MAP1B: variants seen among roughly 807,000 people sequenced by gnomAD.
MAP1B encodes microtubule associated protein 1B, also known as microtubule-associated protein 1B.
Under a neutral mutation model 176.1 loss-of-function variants are expected in MAP1B, and 12 were observed. The ratio of observed to expected loss-of-function variants is 0.07; its 90% CI spans 0.04 to 0.11. The LOEUF (loss-of-function observed/expected upper bound fraction) is 0.11. MAP1B is among the 10% of genes least tolerant of loss of function. The pLI, the probability that MAP1B is intolerant of heterozygous loss-of-function variation, is 1.00. For missense variants in MAP1B, 2,523 were observed against 2,990.5 expected (o/e 0.84, Z 3.65); for synonymous variants, 1,044 against 1,135.0 (o/e 0.92, Z 1.61).
At chr5:72,129,341 A>C (rs1745685190) in intron 2 of MAP1B, among the ~76,000 whole-genome samples, 1 of 152,214 alleles carries the variant, frequency 6.6e-6, no homozygotes, top group East Asian at 1.9e-4. Context: ...AGATCACTTG[A>C]GATCAGGAGT....
chr5:72,121,470 A>T (rs1745529152), intron 2 of MAP1B, among the ~76,000 whole-genome samples: 1 of 152,248 alleles, frequency 6.6e-6, no homozygotes, highest in African/African-American at 2.4e-5. Context: ...TTAAGAACCG[A>T]TGCCTTTTTC....
At chr5:72,163,934 T>TC (rs1292972807) in intron 2 of MAP1B, among the ~76,000 whole-genome samples, 15 of 126,116 alleles carry the variant, frequency 1.2e-4, no homozygotes, top group African/African-American at 4.4e-4. Context: ...TTTTTTCTTT[T>TC]TTTTTTTTTT....
At chr5:72,129,262 C>G (rs962601362) in intron 2 of MAP1B, among the ~76,000 whole-genome samples, 1 of 152,050 alleles carries the variant, frequency 6.6e-6, no homozygotes, top group African/African-American at 2.4e-5. Context: ...ATTAGAAGAT[C>G]CAAGTAAATA....
In MAP1B at chr5:72,162,844, C is replaced by A. The variant is rs938080904; in HGVS notation, c.287-20899C>A. Reference sequence around the variant, plus strand: ...GTGTTGCTCAGGAGTGATTATGCCACCTGGCTTGAAGCCTTCCAGTGCACT... The same window carrying A: ...GTGTTGCTCAGGAGTGATTATGCCAACTGGCTTGAAGCCTTCCAGTGCACT... On this transcript the variant is annotated intron_variant, in intron 2 of 6. Transcript: ENST00000296755. Among the ~76,000 whole-genome samples, 14 of 152,288 alleles carry A rather than the reference C, an allele frequency of 9.2e-5. No individual in the cohort carries two copies. In the South Asian group the frequency reaches 2.9e-3, roughly 32 times the overall value.
In MAP1B at chr5:72,115,713, A is replaced by G; in HGVS notation, c.200A>G (p.Asp67Gly). The G allele has an allele frequency of 6.2e-7, 1 of 1,610,814 alleles. No homozygotes were observed. Among genetic ancestry groups the G allele is most frequent in the Non-Finnish European group, 8.5e-7 (1 of 1,177,012 alleles). ...GNIELGIRSW[D>G]TNLIECNLDQ... ...CCCTCCCTAGGAATCCGATCATGGG[A>G]CACAAACCTGATTGAATGCAACTTG... Residue 67 changes from aspartate to glycine, a missense_variant, in exon 2 of 7, where the codon GAC (aspartate) becomes GGC (glycine). By Grantham distance (94) the Asp-to-Gly change is moderately conservative. This residue lies in a region of MAP1B where 307 missense variants were observed against 438.4 expected (regional missense o/e 0.70). Coordinates refer to ENST00000296755, the MANE Select transcript of MAP1B (RefSeq NM_005909.5).
In MAP1B at chr5:72,204,950, T is replaced by C. The variant is rs1747413767; in HGVS notation, c.7252-134T>C. 1.7e-6 allele frequency: 1 copy of C among 595,642 alleles called. No homozygotes were observed. Among genetic ancestry groups the C allele is most frequent in the Admixed American group, 3.6e-5 (1 of 27,978 alleles). 36.9% of individuals were successfully genotyped at this position (595,642 alleles called of 1,614,324 possible). On this transcript the variant is annotated intron_variant, in intron 6 of 6. Coordinates refer to ENST00000296755, the MANE Select transcript of MAP1B (RefSeq NM_005909.5). The surrounding 1 kb of genome is among the most constrained non-coding windows in gnomAD (Gnocchi z 4.4). Reference sequence around the variant, plus strand: ...ATATACATTGAAAAATCCTTTGCATTTCTTGAGGAAAATAGAAAAGTTTTC... The same window carrying C: ...ATATACATTGAAAAATCCTTTGCATCTCTTGAGGAAAATAGAAAAGTTTTC...
In MAP1B at chr5:72,161,854, G is replaced by C. The variant is rs1258600481; in HGVS notation, c.287-21889G>C. Among the ~76,000 whole-genome samples the C allele has an allele frequency of 4.0e-5, 6 of 151,558 alleles. No individual in the cohort carries two copies. The East Asian group carries it at 1.2e-3, about 29-fold the overall frequency. On this transcript the variant is annotated intron_variant, in intron 2 of 6. Coordinates refer to ENST00000296755, the MANE Select transcript of MAP1B (RefSeq NM_005909.5). ...CGTCTGTAATCCCAGCTATTCTGGA[G>C]GCTGAGGCAGGAGAATTGCTTGAAC...
At chr5:72,178,107 A>G (rs1746687518) in intron 2 of MAP1B, among the ~76,000 whole-genome samples, 1 of 152,166 alleles carries the variant, frequency 6.6e-6, no homozygotes, top group South Asian at 2.1e-4. Flanking sequence ...GGTTCAAGTG[A>G]TCCTCGTGCC....
chr5:72,121,187 G>A (rs1437554216), intron 2 of MAP1B, among the ~76,000 whole-genome samples: 1 of 152,176 alleles, frequency 6.6e-6, no homozygotes, highest in African/African-American at 2.4e-5. Context: ...CACAGTTTGA[G>A]GGCTGGCCTG....
intron 2 of MAP1B, among the ~76,000 whole-genome samples, chr5:72,182,700 T>C (rs1260753199): frequency 1.3e-5 from 2 of 152,228 alleles, no homozygotes; most frequent in South Asian, 4.1e-4. Flanking sequence ...TCTCCTCTGG[T>C]GTCTGCCTCT....
At position 72,107,477 on chromosome 5, in the gene MAP1B, A is replaced by C; in HGVS notation, c.-55A>C. 7.0e-7 allele frequency: 1 copy of C among 1,436,208 alleles called. No homozygotes were observed. The allele number at this position is 1,436,208 out of a possible 1,614,324, so 89.0% of individuals were successfully genotyped here. ...CGGAGATAATCCTTTCTCCTGCCGC[A>C]GTGGAGAGGAGCGGCCGGAGCGAGA... is the stretch of plus-strand genomic sequence containing the variant. On this transcript the variant is annotated 5_prime_UTR_variant, in exon 1 of 7. Transcript: ENST00000296755.
At chr5:72,181,753 G>A (rs546154917) in intron 2 of MAP1B, among the ~76,000 whole-genome samples, 25 of 140,318 alleles carry the variant, frequency 1.8e-4, no homozygotes, top group South Asian at 4.4e-4. Context: ...ACGGAGTCTC[G>A]CACTGTTGTC....
chr5:72,199,890 G>T lies in MAP1B; in HGVS notation c.6535G>T (p.Asp2179Tyr), dbSNP rs1335834052. 1 of 1,614,054 alleles carries T rather than the reference G, an allele frequency of 6.2e-7. No homozygotes were observed. The highest frequency in any genetic ancestry group is 1.1e-5 in the South Asian group (1 of 91,080). Residue 2179 changes from aspartate (D) to tyrosine (Y), a missense_variant, in exon 5 of 7, where the codon GAC becomes TAC. Physicochemically the swap from Asp to Tyr is radical, Grantham distance 160. Coordinates refer to ENST00000296755, the MANE Select transcript of MAP1B (RefSeq NM_005909.5). The surrounding 1 kb of genome is among the most constrained non-coding windows in gnomAD (Gnocchi z 4.2). ...CPSITADANI[D>Y]SEDESETIPT... The stretch of plus-strand genomic sequence containing the variant: ...CTCCATCACGGCCGATGCCAATATC[G>T]ACTCTGAAGACGAGTCGGAAACCAT...
At chr5:72,146,493 C>T (rs1268718920) in intron 2 of MAP1B, among the ~76,000 whole-genome samples, 1 of 152,200 alleles carries the variant, frequency 6.6e-6, no homozygotes, top group African/African-American at 2.4e-5. Flanking sequence ...TAAATGCTTC[C>T]CATGTGCCAG....
At chr5:72,144,075 TA>T (rs1197507417) in intron 2 of MAP1B, among the ~76,000 whole-genome samples, 1 of 152,202 alleles carries the variant, frequency 6.6e-6, no homozygotes, top group Non-Finnish European at 1.5e-5. Context: ...TCATTTTAAC[TA>T]ATGACTTCTA....
chr5:72,166,642 A>G (rs1746435175), intron 2 of MAP1B, among the ~76,000 whole-genome samples: 1 of 152,194 alleles, frequency 6.6e-6, no homozygotes, highest in Non-Finnish European at 1.5e-5. Flanking sequence ...GTGAGGCCCG[A>G]GGCCGAGCTA....
chr5:72,124,282 A>T (rs764428139), intron 2 of MAP1B, among the ~76,000 whole-genome samples: 10 of 152,216 alleles, frequency 6.6e-5, no homozygotes, highest in Non-Finnish European at 1.5e-4. Flanking sequence ...GTGAGAAAGT[A>T]AGAGGTACTC....
In MAP1B at chr5:72,197,178, C is replaced by G; in HGVS notation, c.3823C>G (p.Arg1275Gly). The change falls in exon 5 of 7, where the codon CGT (arginine) becomes GGT (glycine). Residue 1275 changes from arginine (R) to glycine (G), a missense_variant. Physicochemically the swap from Arg to Gly is moderately radical, Grantham distance 125. Transcript: ENST00000296755. ...SPLEKTPLGE[R>G]SVNFSLTPNE... ...CTTAGAAAAGACCCCCCTGGGTGAA[C>G]GTAGTGTGAACTTCTCTCTGACGCC... The G allele has an allele frequency of 6.2e-7, 1 of 1,614,112 alleles. No homozygotes were observed. The highest frequency in any genetic ancestry group is 8.5e-7 in the Non-Finnish European group (1 of 1,179,992).
intron 2 of MAP1B, among the ~76,000 whole-genome samples, chr5:72,120,812 C>T (rs1315153306): frequency 1.3e-5 from 2 of 152,144 alleles, no homozygotes; most frequent in African/African-American, 2.4e-5. Context: ...CAAATGTGAA[C>T]GAGTGCTGTC....
Sources: gnomAD v4.1 joint callset for allele counts (sites outside exome capture counted in the v4.1 genomes callset) on GRCh38, gnomAD v4.1.1 for gene constraint, gnomAD v4.1.1 regional missense constraint, Gnocchi (gnomAD v3.1) non-coding constraint, MANE v1.5 for transcripts, NCBI Gene and HGNC (gene_info 2026-07-23, HGNC 2026-07-21) for gene names.